The following PIP5K1B variants were observed in gnomAD, a reference collection of about 807,000 sequenced individuals.
The protein encoded by PIP5K1B is phosphatidylinositol 4-phosphate 5-kinase type-1 beta.
PIP5K1B carries 42 observed loss-of-function variants against 67.0 expected under a neutral mutation model. That is an observed-to-expected ratio of 0.63 (90% CI 0.49 to 0.81). The LOEUF is 0.81. Among genes scored for constraint, PIP5K1B ranks in the 30% least tolerant of loss-of-function variants. The pLI, the probability that PIP5K1B is intolerant of heterozygous loss-of-function variation, is 0.00. For missense variants in PIP5K1B, 459 were observed against 646.3 expected (o/e 0.71, Z 3.14); for synonymous variants, 214 against 231.4 (o/e 0.92, Z 0.68).
intron 4 of PIP5K1B, among the ~76,000 whole-genome samples, chr9:68,834,343 A>G (rs904272499): frequency 6.6e-6 from 1 of 152,164 alleles, no homozygotes; most frequent in Non-Finnish European, 1.5e-5. Context: ...AAACAGCTCT[A>G]TCATTGCCTT....
At chr9:68,929,125 A>G (rs1031141287) in intron 12 of PIP5K1B, among the ~76,000 whole-genome samples, 22 of 140,612 alleles carry the variant, frequency 1.6e-4, no homozygotes, top group African/African-American at 5.0e-4. Context: ...ATTATGCCCC[A>G]CTACACTCCA....
chr9:68,914,727 A>T (rs1462591087), intron 8 of PIP5K1B, among the ~76,000 whole-genome samples: 1 of 150,464 alleles, frequency 6.6e-6, no homozygotes, highest in Non-Finnish European at 1.5e-5. Flanking sequence ...TAAAAAAAAT[A>T]AACAAATAAA....
chr9:68,903,146 T>C (rs1825446931), intron 8 of PIP5K1B, among the ~76,000 whole-genome samples: 1 of 152,208 alleles, frequency 6.6e-6, no homozygotes, highest in South Asian at 2.1e-4. Context: ...CTACTAAAAA[T>C]CTGCTCTGTG....
At position 68,813,114 on chromosome 9, in the gene PIP5K1B, T is replaced by C. The variant is rs575609737; in HGVS notation, c.-85-5347T>C. 3.4e-4 allele frequency among the ~76,000 whole-genome samples: 52 copies of C among 152,326 alleles called. 1 individual carries two copies. In the South Asian group the frequency reaches 0.011, roughly 32 times the overall value. ...AATCCTGCATTGGCCAAGAGCTCTATTCCTACATAAGTGCAAAAGGAAGAC... is the reference window on the plus strand; with the variant it reads ...AATCCTGCATTGGCCAAGAGCTCTACTCCTACATAAGTGCAAAAGGAAGAC... On this transcript the variant is annotated intron_variant, in intron 2 of 15. Coordinates refer to ENST00000265382, the MANE Select transcript of PIP5K1B (RefSeq NM_003558.4).
chr9:68,876,391 A>G (rs915498982), intron 5 of PIP5K1B, among the ~76,000 whole-genome samples: 1 of 152,204 alleles, frequency 6.6e-6, no homozygotes. Flanking sequence ...ACTGGTGATA[A>G]TGGAGTGATC....
At chr9:68,719,076 C>T (rs1012955151) in intron 1 of PIP5K1B, among the ~76,000 whole-genome samples, 5 of 152,142 alleles carry the variant, frequency 3.3e-5, no homozygotes, top group Admixed American at 6.5e-5. Flanking sequence ...CTTTCTTGTT[C>T]GCTTCATTCA....
At position 68,918,974 on chromosome 9, in the gene PIP5K1B, C is replaced by T. The variant is rs73647030; in HGVS notation, c.984-505C>T. Among the ~76,000 whole-genome samples the T allele has an allele frequency of 6.8e-3, 1,033 of 152,242 alleles. 18 individuals are homozygous for T. Among genetic ancestry groups the T allele is most frequent in the African/African-American group, 0.024 (979 of 41,532 alleles). Reference sequence around the variant, plus strand: ...CTTGACTAATAAATACATACACACACACACATACTAGAAAAGCATACCAGA... The same window carrying T: ...CTTGACTAATAAATACATACACACATACACATACTAGAAAAGCATACCAGA... On this transcript the variant is annotated intron_variant, in intron 9 of 15. Coordinates refer to ENST00000265382, the MANE Select transcript of PIP5K1B (RefSeq NM_003558.4).
intron 14 of PIP5K1B, among the ~76,000 whole-genome samples, chr9:68,943,553 C>T (rs971685396): frequency 6.6e-6 from 1 of 151,896 alleles, no homozygotes; most frequent in Admixed American, 6.6e-5. Context: ...TCCTTTAGAG[C>T]CCACCTAGTC....
intron 2 of PIP5K1B, among the ~76,000 whole-genome samples, chr9:68,747,525 T>A (rs1458717833): frequency 6.6e-6 from 1 of 152,052 alleles, no homozygotes; most frequent in Non-Finnish European, 1.5e-5. Flanking sequence ...CATTTTATTA[T>A]CTCATCTGGC....
intron 14 of PIP5K1B, among the ~76,000 whole-genome samples, chr9:68,978,910 T>C (rs2132875502): frequency 6.6e-6 from 1 of 152,308 alleles, no homozygotes; most frequent in East Asian, 1.9e-4. Flanking sequence ...GCTTTCTACG[T>C]TTAACTTTCA....
At chr9:68,894,780 G>C in intron 8 of PIP5K1B, 142 bp downstream of exon 8, 1 of 755,646 alleles carries the variant, frequency 1.3e-6, no homozygotes, top group Non-Finnish European at 2.2e-6. Flanking sequence ...CTGGCGCTGA[G>C]CCATGCTTCC....
intron 2 of PIP5K1B, among the ~76,000 whole-genome samples, chr9:68,753,869 A>G (rs530232285): frequency 4.3e-4 from 65 of 152,024 alleles, no homozygotes; most frequent in Admixed American, 1.1e-3. Flanking sequence ...CATGTTGTCC[A>G]GGCCAGTCTT....
intron 4 of PIP5K1B, 91 bp downstream of exon 4, chr9:68,822,774 T>C: frequency 1.1e-6 from 1 of 871,918 alleles, no homozygotes; most frequent in Non-Finnish European, 1.9e-6. Context: ...CCCAAGCAGT[T>C]GTAAGTTACT....
Position 68,707,424 on chromosome 9 carries a change from C to G in PIP5K1B, c.-243+1662C>G, listed in dbSNP as rs80143621. Among the ~76,000 whole-genome samples the G allele has an allele frequency of 6.0e-3, 919 of 152,238 alleles. 10 individuals are homozygous for G. Among genetic ancestry groups the G allele is most frequent in the African/African-American group, 0.022 (893 of 41,504 alleles). ...GTAAACACAGAAGGAACATGAGGCT[C>G]ACAGATTCAGAGATTTATCAAGGTA... On this transcript the variant is annotated intron_variant, in intron 1 of 15. Transcript: ENST00000265382.
At chr9:68,917,044 A>G (rs1014879016) in intron 8 of PIP5K1B, among the ~76,000 whole-genome samples, 2 of 152,154 alleles carry the variant, frequency 1.3e-5, no homozygotes, top group African/African-American at 4.8e-5. Flanking sequence ...TGTAGAGACT[A>G]TTGGTTGTTG....
chr9:68,793,222 G>A (rs923166307), intron 2 of PIP5K1B, among the ~76,000 whole-genome samples: 1 of 152,142 alleles, frequency 6.6e-6, no homozygotes, highest in Admixed American at 6.5e-5. Context: ...GAGGATTATT[G>A]CAAACATAGG....
intron 1 of PIP5K1B, among the ~76,000 whole-genome samples, chr9:68,739,318 A>G (rs1828890422): frequency 6.6e-6 from 1 of 152,166 alleles, no homozygotes; most frequent in African/African-American, 2.4e-5. Flanking sequence ...TATGGGACGC[A>G]ACATTTGTAC....
intron 1 of PIP5K1B, among the ~76,000 whole-genome samples, chr9:68,722,531 A>G (rs994703289): frequency 6.6e-6 from 1 of 151,654 alleles, no homozygotes; most frequent in African/African-American, 2.4e-5. Flanking sequence ...AGCTCTTTCT[A>G]TACTCTAGCT....
chr9:68,754,317 C>T (rs1399887042), intron 2 of PIP5K1B, among the ~76,000 whole-genome samples: 2 of 151,556 alleles, frequency 1.3e-5, no homozygotes, highest in Admixed American at 1.3e-4. Context: ...CTACAGGCGC[C>T]CGCCACCATG....
Sources: allele counts gnomAD v4.1 joint callset (sites outside exome capture counted in the v4.1 genomes callset), GRCh38; gene constraint gnomAD v4.1.1; transcripts MANE v1.5; gene names NCBI Gene and HGNC (gene_info 2026-07-23, HGNC 2026-07-21).